RABEP1: variants seen among roughly 807,000 people sequenced by gnomAD.
RABEP1 encodes rab GTPase-binding effector protein 1.
A neutral mutation model predicts 123.4 loss-of-function variants in RABEP1; 51 were observed. The ratio of observed to expected loss-of-function variants is 0.41; its 90% CI spans 0.33 to 0.52. The LOEUF is 0.52. Ranked by LOEUF, RABEP1 falls within the 20% of genes least tolerant of loss-of-function variation. RABEP1 has a pLI of 0.16. For synonymous variants in RABEP1, 347 were observed against 355.2 expected, an observed-to-expected ratio of 0.98 and a Z score of 0.26; for missense variants, 888 against 996.3, an observed-to-expected ratio of 0.89 and a Z score of 1.46.
At chr17:5,332,456 C>A (rs1009452413) in intron 3 of RABEP1, among the ~76,000 whole-genome samples, 1 of 152,148 alleles carries the variant, frequency 6.6e-6, no homozygotes, top group Non-Finnish European at 1.5e-5. Flanking sequence ...GGCTAGTAAT[C>A]TCAAATAATT....
Position 5,380,568 on chromosome 17 carries a change from T to C in RABEP1, c.2370+106T>C, listed in dbSNP as rs58558800. The C allele has an allele frequency of 1.8e-5, 18 of 1,011,334 alleles. No individual in the cohort carries two copies. In the Admixed American group the frequency reaches 3.4e-4, roughly 19 times the overall value. The allele number at this position is 1,011,334 out of a possible 1,614,324, so 62.6% of individuals were successfully genotyped here. A position where few individuals can be genotyped will look rare whatever the true frequency, so the allele number is the denominator to read the frequency against. ...ATTGGTGCTTTGAAGTGTCACCTTTTAAAAAGTTGGCAAAACTGACAGCTT... is the reference window on the plus strand; with the variant it reads ...ATTGGTGCTTTGAAGTGTCACCTTTCAAAAAGTTGGCAAAACTGACAGCTT... On this transcript the variant is annotated intron_variant, in intron 16 of 17. Coordinates refer to ENST00000537505, the MANE Select transcript of RABEP1 (RefSeq NM_004703.6).
chr17:5,310,301 C>CTT (rs11432831), intron 2 of RABEP1, among the ~76,000 whole-genome samples: 16,911 of 126,162 alleles, frequency 0.13, 2,590 homozygotes, highest in East Asian at 0.49. Flanking sequence ...AAGCTTCGTC[C>CTT]TTTTTTTTTT....
chr17:5,290,242 C>T (rs1247903005), intron 1 of RABEP1, among the ~76,000 whole-genome samples: 7 of 152,162 alleles, frequency 4.6e-5, no homozygotes, highest in Admixed American at 4.6e-4. Context: ...CGCCCGCCAC[C>T]ACACCCGGCT....
At chr17:5,312,303 C>T (rs1298793886) in intron 2 of RABEP1, among the ~76,000 whole-genome samples, 1 of 152,122 alleles carries the variant, frequency 6.6e-6, no homozygotes, top group African/African-American at 2.4e-5. Flanking sequence ...TGTGTGCCAC[C>T]ACACCTGGCT....
chr17:5,360,552 A>C (rs2144673159), intron 8 of RABEP1, among the ~76,000 whole-genome samples: 1 of 152,176 alleles, frequency 6.6e-6, no homozygotes, highest in African/African-American at 2.4e-5. Context: ...ACAGAGCGAG[A>C]CTCCGTCTCA....
rs1597316398 is a variant in RABEP1, at chr17:5,282,415, C to T, written c.-72C>T. ...GCGGCTCGGTTGACGCCTCCTCCGCCAGCTGAGCCCGCGGGAGCCCAGGAC... is the reference window on the plus strand; with the variant it reads ...GCGGCTCGGTTGACGCCTCCTCCGCTAGCTGAGCCCGCGGGAGCCCAGGAC... On this transcript the variant is annotated 5_prime_UTR_variant, in exon 1 of 18. Transcript: ENST00000537505. 8.3e-7 allele frequency: 1 copy of T among 1,211,962 alleles called. No individual in the cohort carries two copies. The highest frequency in any genetic ancestry group is 1.1e-6 in the Non-Finnish European group (1 of 922,520). The allele number at this position is 1,211,962 out of a possible 1,614,324, so 75.1% of individuals were successfully genotyped here. A position where few individuals can be genotyped will look rare whatever the true frequency, so the allele number is the denominator to read the frequency against.
intron 1 of RABEP1, chr17:5,284,146 A>C (rs1486930454): frequency 6.6e-6 from 1 of 152,206 alleles, no homozygotes; most frequent in Non-Finnish European, 1.5e-5. Context: ...AGGTGACATG[A>C]CCGTCTGGAA....
rs1370083660 is a variant in RABEP1 at position 5,335,763 on chromosome 17, GTTTCTC to G, written c.528+427_528+432del. On this transcript the variant is annotated intron_variant, in intron 4 of 17. Transcript: ENST00000537505. Reference sequence around the variant, plus strand: ...AAATATAAGCTCTGTGAAGGCAGGAGTTTCTCTTTCTCTCTTTTTTTTTAATAGCTT... The same window carrying G: ...AAATATAAGCTCTGTGAAGGCAGGAGTTTCTCTCTTTTTTTTTAATAGCTT... Among the ~76,000 whole-genome samples, 5 of 151,968 alleles carry G rather than the reference GTTTCTC, an allele frequency of 3.3e-5. No homozygotes were observed. In the East Asian group the frequency reaches 7.7e-4, roughly 23 times the overall value.
intron 2 of RABEP1, among the ~76,000 whole-genome samples, chr17:5,322,773 A>T (rs1054475727): frequency 6.6e-6 from 1 of 152,242 alleles, no homozygotes; most frequent in East Asian, 1.9e-4. Context: ...AACATAACCA[A>T]GAACAAAAGC....
At chr17:5,332,700 C>T (rs143813944) in intron 3 of RABEP1, among the ~76,000 whole-genome samples, 50 of 150,958 alleles carry the variant, frequency 3.3e-4, no homozygotes, top group Non-Finnish European at 1.2e-4. Context: ...CCTCTGCCTC[C>T]CGGGCTCAAG....
intron 5 of RABEP1, among the ~76,000 whole-genome samples, chr17:5,345,202 G>A (rs751926593): frequency 1.3e-5 from 2 of 152,322 alleles, no homozygotes; most frequent in Non-Finnish European, 2.9e-5. Context: ...TTAAGGCACT[G>A]TTGTCACATT....
chr17:5,319,237 G>C (rs1597350933), intron 2 of RABEP1, among the ~76,000 whole-genome samples: 1 of 150,026 alleles, frequency 6.7e-6, no homozygotes, highest in Non-Finnish European at 1.5e-5. Context: ...GGCTGAGGCA[G>C]GGGAATTGCT....
chr17:5,349,145 CT>C (rs1908310350), intron 6 of RABEP1, among the ~76,000 whole-genome samples: 2 of 152,130 alleles, frequency 1.3e-5, no homozygotes, highest in African/African-American at 4.8e-5. Context: ...TAATATGTGC[CT>C]TTTTGTGTCT....
chr17:5,378,589 T>C (rs935237327), intron 15 of RABEP1: 1 of 313,514 alleles, frequency 3.2e-6, no homozygotes. Context: ...CTAGCTGGCT[T>C]AGTCCTCTTA....
intron 8 of RABEP1, among the ~76,000 whole-genome samples, chr17:5,357,730 C>CAAAAATT: frequency 6.6e-6 from 1 of 152,162 alleles, no homozygotes; most frequent in South Asian, 2.1e-4. Context: ...TTCAATGCCC[C>CAAAAATT]TGAAAAAAGT....
intron 1 of RABEP1, among the ~76,000 whole-genome samples, chr17:5,303,963 G>A (rs937119121): frequency 3.3e-5 from 5 of 151,622 alleles, no homozygotes; most frequent in African/African-American, 1.2e-4. Flanking sequence ...AACCCCAGGA[G>A]GCAGAGGTTG....
intron 2 of RABEP1, among the ~76,000 whole-genome samples, chr17:5,326,331 T>A (rs1305579399): frequency 6.6e-6 from 1 of 152,156 alleles, no homozygotes; most frequent in Non-Finnish European, 1.5e-5. Context: ...AGCTATTAAG[T>A]CATGAACAGA....
intron 15 of RABEP1, chr17:5,378,557 TAC>T: frequency 2.9e-6 from 1 of 350,436 alleles, no homozygotes; most frequent in South Asian, 2.8e-5. Flanking sequence ...TAAAAAACAT[TAC>T]AAACAAGAGA....
intron 17 of RABEP1, among the ~76,000 whole-genome samples, 174 bp from the exon 18 acceptor site, chr17:5,382,948 C>T (rs185314466): frequency 9.7e-4 from 147 of 151,880 alleles, no homozygotes; most frequent in Middle Eastern, 6.8e-3. Flanking sequence ...AATCCCAGTC[C>T]GTTACACGGT....
Sources: gnomAD v4.1 joint callset for allele counts (sites outside exome capture counted in the v4.1 genomes callset) on GRCh38, gnomAD v4.1.1 for gene constraint, MANE v1.5 for transcripts, NCBI Gene and HGNC (gene_info 2026-07-23, HGNC 2026-07-21) for gene names.